Variants in ZCCHC2 observed in about 807,000 individuals in gnomAD.
ZCCHC2 encodes zinc finger CCHC-type containing 2.
Under a neutral mutation model 103.6 loss-of-function variants are expected in ZCCHC2, and 39 were observed. The observed-to-expected ratio is 0.38, with a 90% CI of 0.29 to 0.49. The LOEUF (loss-of-function observed/expected upper bound fraction) is 0.49. Among genes scored for constraint, ZCCHC2 ranks in the 20% least tolerant of loss-of-function variants. The pLI, the probability that ZCCHC2 is intolerant of heterozygous loss-of-function variation, is 0.96. For missense variants in ZCCHC2, 1,483 were observed against 1,491.0 expected, an observed-to-expected ratio of 0.99 and a Z score of 0.09; for synonymous variants, 687 against 608.9, an observed-to-expected ratio of 1.13 and a Z score of -1.89.
chr18:62,524,864 T>G (rs1598921725), intron 1 of ZCCHC2: 1 of 157,576 alleles, frequency 6.3e-6, no homozygotes, highest in Non-Finnish European at 1.4e-5. Flanking sequence ...GTCCTGAAGG[T>G]GCGCTCCCGG....
At position 62,566,686 on chromosome 18, in the gene ZCCHC2, C is replaced by T. The variant is rs199673824; in HGVS notation, c.1846+1590C>T. 1.1e-4 allele frequency among the ~76,000 whole-genome samples: 17 copies of T among 152,320 alleles called. No homozygotes were observed. The East Asian group carries it at 2.5e-3, about 22-fold the overall frequency. ...TTAGCCCATTTCCAGAGGAGAAGCA[C>T]GTGGACGTTGGTCAGAGACAGTTAG... On this transcript the variant is annotated intron_variant, in intron 11 of 13. Coordinates refer to ENST00000269499, the MANE Select transcript of ZCCHC2 (RefSeq NM_017742.6).
Position 62,562,990 on chromosome 18 carries a change from A to C in ZCCHC2, c.1551-19A>C. ...ATTGAGGGCAGATTTTCACACTTTCATAAACTTTTCTTTGGTAGCAATATT... is the reference window on the plus strand; with the variant it reads ...ATTGAGGGCAGATTTTCACACTTTCCTAAACTTTTCTTTGGTAGCAATATT... On this transcript the variant is annotated intron_variant, in intron 8 of 13. Coordinates refer to ENST00000269499, the MANE Select transcript of ZCCHC2 (RefSeq NM_017742.6). The C allele has an allele frequency of 6.3e-7, 1 of 1,598,112 alleles. No individual in the cohort carries two copies. The highest frequency in any genetic ancestry group is 2.2e-5 in the East Asian group (1 of 44,466).
rs1916529194 is a variant in ZCCHC2 at position 62,570,011 on chromosome 18, A to T, written c.1847-92A>T. 6.9e-6 allele frequency: 9 copies of T among 1,306,480 alleles called. No homozygotes were observed. In the East Asian group the frequency reaches 2.3e-4, roughly 34 times the overall value. 80.9% of individuals were successfully genotyped at this position (1,306,480 alleles called of 1,614,324 possible). On this transcript the variant is annotated intron_variant, in intron 11 of 13. Coordinates refer to ENST00000269499, the MANE Select transcript of ZCCHC2 (RefSeq NM_017742.6). Reference sequence around the variant, plus strand: ...AGATGGTTGTGGGGAAACTGAAGAAAATATAGCTAAAATTAATTTCTAATG... The same window carrying T: ...AGATGGTTGTGGGGAAACTGAAGAATATATAGCTAAAATTAATTTCTAATG...
At chr18:62,569,039 G>A (rs1484133050) in intron 11 of ZCCHC2, among the ~76,000 whole-genome samples, 1 of 152,130 alleles carries the variant, frequency 6.6e-6, no homozygotes, top group Non-Finnish European at 1.5e-5. Context: ...TTTCCTTCTA[G>A]CCTCATAAGA....
intron 4 of ZCCHC2, among the ~76,000 whole-genome samples, chr18:62,549,950 G>A (rs1480121999): frequency 1.3e-5 from 2 of 152,330 alleles, no homozygotes; most frequent in Middle Eastern, 3.4e-3. Context: ...ACACTCCTTG[G>A]AATACTATTC....
rs1167312248 is a variant in ZCCHC2 at position 62,524,306 on chromosome 18, C to A, written c.882C>A (p.Gly294=). The change falls in exon 1 of 14, where the codon GGC becomes GGA. Residue 294 remains glycine, a synonymous_variant. Transcript: ENST00000269499. ...GGCTCCGCGCCGCGCTCCGCGGGGGCCCCGAGGACGCGGAGGTGGAGGTAG... is the reference window on the plus strand; with the variant it reads ...GGCTCCGCGCCGCGCTCCGCGGGGGACCCGAGGACGCGGAGGTGGAGGTAG... The part of the protein sequence containing the change: ...LERLRAALRG[G]PEDAEVEVEP... 6.5e-7 allele frequency: 1 copy of A among 1,548,252 alleles called. No homozygotes were observed. Among genetic ancestry groups the A allele is most frequent in the Non-Finnish European group, 8.7e-7 (1 of 1,146,174 alleles).
At chr18:62,579,369 CGGTT>C (rs774272904), downstream of ZCCHC2, among the ~76,000 whole-genome samples, 1 of 152,144 alleles carries the variant, frequency 6.6e-6, no homozygotes, top group Non-Finnish European at 1.5e-5. Context: ...AGTTTTTAAA[CGGTT>C]GGTAATTTAT....
chr18:62,560,399 A>G (rs149135847), intron 7 of ZCCHC2, 188 bp from the exon 8 acceptor site: 51 of 432,110 alleles, frequency 1.2e-4, no homozygotes, highest in African/African-American at 8.5e-4. Context: ...TTGAGAGAAC[A>G]TAAAAGGTAA....
intron 7 of ZCCHC2, 36 bp downstream of exon 7, chr18:62,558,806 T>A (rs1915996590): frequency 7.4e-7 from 1 of 1,352,468 alleles, no homozygotes; most frequent in Non-Finnish European, 1.0e-6. Context: ...TCATTCTGCC[T>A]GCTGATAGCA....
chr18:62,523,692 GC>G lies in ZCCHC2; in HGVS notation c.269del (p.Ala90GlyfsTer191). On this transcript the variant is annotated frameshift_variant, in exon 1 of 14. Transcript: ENST00000269499. LOFTEE classifies it high-confidence loss of function. ...GCCGGGCGGCGGCGGGGGGCCCTCGGCGGCGCTGCGCGAGCAGGAGCGGGTA... is the reference window on the plus strand; with the variant it reads ...GCCGGGCGGCGGCGGGGGGCCCTCGGGGCGCTGCGCGAGCAGGAGCGGGTA... ...GMPGGGGGPS[A>X]ALREQERVYE... 1 of 1,408,224 alleles carries G rather than the reference GC, an allele frequency of 7.1e-7. No individual in the cohort carries two copies. The highest frequency in any genetic ancestry group is 9.2e-7 in the Non-Finnish European group (1 of 1,084,576). The allele number at this position is 1,408,224 out of a possible 1,614,324, so 87.2% of individuals were successfully genotyped here. A position where few individuals can be genotyped will look rare whatever the true frequency, so the allele number is the denominator to read the frequency against.
chr18:62,539,612 G>T (rs978751932), intron 1 of ZCCHC2, 69 bp from the exon 2 acceptor site: 1 of 1,364,436 alleles, frequency 7.3e-7, no homozygotes, highest in South Asian at 1.3e-5. Context: ...AAAATGAGAA[G>T]ACCTAAATCT....
chr18:62,538,144 C>G (rs573775996), intron 1 of ZCCHC2, among the ~76,000 whole-genome samples: 2 of 151,556 alleles, frequency 1.3e-5, no homozygotes, highest in Admixed American at 1.3e-4. Context: ...ACCTGTAATT[C>G]CAGCACTTTG....
At position 62,542,581 on chromosome 18, in the gene ZCCHC2, C is replaced by G. The variant is rs941180388; in HGVS notation, c.1128+7C>G. 6.4e-7 allele frequency: 1 copy of G among 1,556,066 alleles called. No homozygotes were observed. The highest frequency in any genetic ancestry group is 1.9e-5 in the Admixed American group (1 of 51,426). On this transcript the variant is annotated splice_region_variant and intron_variant, in intron 3 of 13. Transcript: ENST00000269499. ...CTGGGAGTACACTTTCAAAGTAAGC[C>G]ATTTTCCCCACAAAAGATACCTCAC...
rs1208725387 is a variant in ZCCHC2, at chr18:62,560,601, GC to G, written c.1509del (p.Ile504Ter). 6.2e-7 allele frequency: 1 copy of G among 1,613,258 alleles called. No individual in the cohort carries two copies. The highest frequency in any genetic ancestry group is 1.3e-5 in the African/African-American group (1 of 74,912). On this transcript the variant is annotated frameshift_variant, in exon 8 of 14. Coordinates refer to ENST00000269499, the MANE Select transcript of ZCCHC2 (RefSeq NM_017742.6). LOFTEE classifies it high-confidence loss of function. ...SSQEEDVLQH[A>X]IIHKKHTGKS... ...CTCTCTTCTAGATGTGTTGCAGCAT[GC>G]CATAATCCACAAGAAGCATACTGGG...
chr18:62,568,115 A>G (rs1380819805), intron 11 of ZCCHC2, among the ~76,000 whole-genome samples: 1 of 152,138 alleles, frequency 6.6e-6, no homozygotes, highest in African/African-American at 2.4e-5. Flanking sequence ...TTAATATCCC[A>G]GATGAAATAT....
At chr18:62,561,489 C>T (rs1680198762) in intron 8 of ZCCHC2, among the ~76,000 whole-genome samples, 1 of 152,246 alleles carries the variant, frequency 6.6e-6, no homozygotes, top group South Asian at 2.1e-4. Context: ...GCCTTAGGGC[C>T]TTTGCTGCTC....
In ZCCHC2 at chr18:62,523,317, A is replaced by T. The variant is rs908481820; in HGVS notation, c.-108A>T. 12 of 836,882 alleles carry T rather than the reference A, an allele frequency of 1.4e-5. No individual in the cohort carries two copies. Among genetic ancestry groups the T allele is most frequent in the Non-Finnish European group, 1.6e-5 (11 of 703,360 alleles). The allele number at this position is 836,882 out of a possible 1,614,324, so 51.8% of individuals were successfully genotyped here. A position where few individuals can be genotyped will look rare whatever the true frequency, so the allele number is the denominator to read the frequency against. On this transcript the variant is annotated 5_prime_UTR_variant, in exon 1 of 14. It removes an upstream start codon present in the reference 5' UTR. Coordinates refer to ENST00000269499, the MANE Select transcript of ZCCHC2 (RefSeq NM_017742.6). ...CCGGCCCCGGCCCTCCCCCGGCGGC[A>T]TGGAGGGGCCCCGCTCCTGACGGCC... is the stretch of plus-strand genomic sequence containing the variant.
chr18:62,544,761 T>C, intron 3 of ZCCHC2, 41 bp from the exon 4 acceptor site: 1 of 1,502,448 alleles, frequency 6.7e-7, no homozygotes, highest in Non-Finnish European at 8.9e-7. Flanking sequence ...GGTTCCTGCC[T>C]AGGGAATAAC....
chr18:62,540,581 T>C (rs1389997480), intron 2 of ZCCHC2, among the ~76,000 whole-genome samples: 1 of 152,152 alleles, frequency 6.6e-6, no homozygotes, highest in Non-Finnish European at 1.5e-5. Context: ...ACTCCTATCT[T>C]CCCAACTAAA....
Sources: gnomAD v4.1 joint callset for allele counts (sites outside exome capture counted in the v4.1 genomes callset) on GRCh38, gnomAD v4.1.1 for gene constraint, MANE v1.5 for transcripts, NCBI Gene and HGNC (gene_info 2026-07-23, HGNC 2026-07-21) for gene names.